The following FRMD4A variants were observed in gnomAD, a reference collection of about 807,000 sequenced individuals.
FRMD4A encodes FERM domain-containing protein 4A.
In FRMD4A, 29 loss-of-function variants were observed where a neutral mutation model predicts 129.1. The ratio of observed to expected loss-of-function variants is 0.22; its 90% confidence interval spans 0.17 to 0.31. The LOEUF (loss-of-function observed/expected upper bound fraction) is 0.31. FRMD4A is among the 10% of genes least tolerant of loss of function. The pLI is 1.00. For missense variants in FRMD4A, 1,272 were observed against 1,375.8 expected, an observed-to-expected ratio of 0.92 and a Z score of 1.19; for synonymous variants, 634 against 571.6, an observed-to-expected ratio of 1.11 and a Z score of -1.56.
intron 2 of FRMD4A, among the ~76,000 whole-genome samples, chr10:14,106,484 T>A (rs1037133394): frequency 6.6e-6 from 1 of 152,226 alleles, no homozygotes; most frequent in East Asian, 1.9e-4. Flanking sequence ...TTGGGACATT[T>A]AAAGTATTTT....
At chr10:13,893,089 T>TGTG (rs141041932) in intron 2 of FRMD4A, among the ~76,000 whole-genome samples, 3,644 of 152,126 alleles carry the variant, frequency 0.024, 136 homozygotes, top group East Asian at 0.17. Context: ...CAGGCTGGAG[T>TGTG]GTGATGGTGT....
At chr10:14,107,012 T>A (rs1443619201) in intron 2 of FRMD4A, among the ~76,000 whole-genome samples, 1 of 152,208 alleles carries the variant, frequency 6.6e-6, no homozygotes, top group East Asian at 1.9e-4. Flanking sequence ...TGGAATACTA[T>A]GCAGCCATGA....
intron 2 of FRMD4A, among the ~76,000 whole-genome samples, chr10:14,136,545 C>T (rs555919316): frequency 1.3e-5 from 2 of 152,142 alleles, no homozygotes; most frequent in East Asian, 1.9e-4. Context: ...TATTCCTCTA[C>T]CCCCCAACCC....
At chr10:13,797,948 G>A (rs2093158887) in intron 4 of FRMD4A, among the ~76,000 whole-genome samples, 1 of 151,112 alleles carries the variant, frequency 6.6e-6, no homozygotes, top group African/African-American at 2.4e-5. Context: ...CCTCCACAAA[G>A]CCCATACCTG....
rs115958411 is a variant in FRMD4A at position 13,969,119 on chromosome 10, G to A, written c.46-110207C>T. Among the ~76,000 whole-genome samples the A allele has an allele frequency of 9.0e-3, 1,366 of 152,326 alleles. 33 individuals carry two copies. Among genetic ancestry groups the A allele is most frequent in the African/African-American group, 0.031 (1,306 of 41,564 alleles). On this transcript the variant is annotated intron_variant, in intron 2 of 24. Coordinates refer to ENST00000357447, the MANE Select transcript of FRMD4A (RefSeq NM_018027.5). ...CCCCAGCCTGGTCTTGCTCTGGGCC[G>A]CCTCTTCTTCTCCCAGGCCCCTCGG...
chr10:13,930,207 A>G (rs1188226677), intron 2 of FRMD4A, among the ~76,000 whole-genome samples: 9 of 152,236 alleles, frequency 5.9e-5, no homozygotes, highest in Non-Finnish European at 1.2e-4. Flanking sequence ...CCATAGGCTC[A>G]GCCGGGTCTG....
intron 2 of FRMD4A, among the ~76,000 whole-genome samples, chr10:13,880,828 C>T (rs112530387): frequency 6.6e-6 from 1 of 152,242 alleles, no homozygotes; most frequent in East Asian, 1.9e-4. Context: ...TAGCACACTT[C>T]CCTTCCTCTG....
intron 8 of FRMD4A, among the ~76,000 whole-genome samples, chr10:13,753,731 G>C (rs1369550625): frequency 2.0e-5 from 3 of 151,902 alleles, no homozygotes; most frequent in African/African-American, 7.3e-5. Flanking sequence ...ATTTTGTAGA[G>C]ATGAGGTCTC....
chr10:13,878,243 A>G (rs6602691), intron 2 of FRMD4A, among the ~76,000 whole-genome samples: 2 of 148,998 alleles, frequency 1.3e-5, no homozygotes, highest in African/African-American at 2.5e-5. Context: ...AAAAAAAAAA[A>G]GCTGAAATAG....
intron 2 of FRMD4A, among the ~76,000 whole-genome samples, chr10:14,119,501 C>T (rs1359728): frequency 0.16 from 24,776 of 152,066 alleles, 2,120 homozygotes; most frequent in Non-Finnish European, 0.2. Context: ...TGATGTTTGC[C>T]GTAACACATT....
chr10:13,903,902 T>G (rs1313603644), intron 2 of FRMD4A, among the ~76,000 whole-genome samples: 1 of 151,998 alleles, frequency 6.6e-6, no homozygotes, highest in African/African-American at 2.4e-5. Flanking sequence ...AATTGTCTGA[T>G]GAGTGAATAA....
intron 5 of FRMD4A, among the ~76,000 whole-genome samples, chr10:13,794,509 G>T (rs1361882974): frequency 6.6e-6 from 1 of 152,108 alleles, no homozygotes; most frequent in Non-Finnish European, 1.5e-5. Context: ...ACCATGGAAG[G>T]TCAAGGGAGG....
At chr10:13,992,579 T>A (rs1027191396) in intron 2 of FRMD4A, among the ~76,000 whole-genome samples, 2 of 152,226 alleles carry the variant, frequency 1.3e-5, no homozygotes, top group Non-Finnish European at 2.9e-5. Context: ...GAATTAAATC[T>A]TAACTTTGTA....
At chr10:14,301,543 C>T (rs558731359) in intron 2 of FRMD4A, among the ~76,000 whole-genome samples, 82 of 152,248 alleles carry the variant, frequency 5.4e-4, no homozygotes, top group Non-Finnish European at 9.4e-4. Context: ...TGAATATACC[C>T]CAAACTCATT....
intron 15 of FRMD4A, among the ~76,000 whole-genome samples, chr10:13,679,453 A>AT (rs1174825370): frequency 6.5e-5 from 6 of 92,568 alleles, no homozygotes; most frequent in African/African-American, 2.9e-4. Context: ...AAAAAAAAAA[A>AT]AAAAAAAATA....
At chr10:14,074,019 G>A (rs1251348624) in intron 2 of FRMD4A, among the ~76,000 whole-genome samples, 2 of 152,192 alleles carry the variant, frequency 1.3e-5, no homozygotes, top group Non-Finnish European at 2.9e-5. Flanking sequence ...GCTGAGGCAG[G>A]AGAATTGCTT....
intron 2 of FRMD4A, among the ~76,000 whole-genome samples, chr10:14,046,632 C>A (rs1313985399): frequency 2.0e-5 from 3 of 152,140 alleles, no homozygotes; most frequent in African/African-American, 7.2e-5. Flanking sequence ...CTGGTTGCAG[C>A]CTTTCTGGTT....
chr10:13,790,341 T>C (rs2092970227), intron 5 of FRMD4A, among the ~76,000 whole-genome samples: 1 of 152,182 alleles, frequency 6.6e-6, no homozygotes, highest in Non-Finnish European at 1.5e-5. Flanking sequence ...GGAGATGGCC[T>C]GGAGCTCGGG....
rs1025045662 is a variant in FRMD4A, at chr10:13,982,295, G to A, written c.46-123383C>T. On this transcript the variant is annotated intron_variant, in intron 2 of 24. Transcript: ENST00000357447. ...GCCCAGGAGTTCGAGGCCACCCTGG[G>A]CAACATAGGAGGACCCCATCTCTGC... Among the ~76,000 whole-genome samples, 7 of 151,960 alleles carry A rather than the reference G, an allele frequency of 4.6e-5. No individual in the cohort carries two copies. The East Asian group carries it at 7.7e-4, about 17-fold the overall frequency.
Sources: allele counts gnomAD v4.1 joint callset (sites outside exome capture counted in the v4.1 genomes callset), GRCh38; gene constraint gnomAD v4.1.1; transcripts MANE v1.5; gene names NCBI Gene and HGNC (gene_info 2026-07-23, HGNC 2026-07-21).